PRDM5: variants seen among roughly 807,000 people sequenced by gnomAD.
PRDM5 encodes the protein PR/SET domain 5.
In PRDM5, 56 loss-of-function variants were observed where a neutral mutation model predicts 81.2. The ratio of observed to expected loss-of-function variants is 0.69; its 90% CI spans 0.56 to 0.86. The LOEUF is 0.86. PRDM5 is among the 40% of genes least tolerant of loss of function. The pLI is 0.00. For synonymous variants in PRDM5, 267 were observed against 256.4 expected (o/e 1.04, Z -0.39); for missense variants, 697 against 770.1 (o/e 0.91, Z 1.12).
At chr4:120,831,136 G>A (rs1390377571) in intron 3 of PRDM5, among the ~76,000 whole-genome samples, 1 of 152,056 alleles carries the variant, frequency 6.6e-6, no homozygotes, top group Non-Finnish European at 1.5e-5. Context: ...CCATGAAAGT[G>A]TTGAATCAGA....
intron 10 of PRDM5, among the ~76,000 whole-genome samples, chr4:120,788,256 T>A (rs115986068): frequency 0.018 from 2,752 of 152,278 alleles, 33 homozygotes; most frequent in Middle Eastern, 0.031. Flanking sequence ...AATTCTATAT[T>A]TATTTTCTTA....
chr4:120,817,030 T>G, intron 5 of PRDM5, 106 bp from the exon 6 acceptor site: 1 of 940,422 alleles, frequency 1.1e-6, no homozygotes. Context: ...CGTGATCCCT[T>G]TTTTCATTGT....
chr4:120,715,774 T>C (rs1236134977), intron 14 of PRDM5, among the ~76,000 whole-genome samples: 1 of 152,208 alleles, frequency 6.6e-6, no homozygotes, highest in Non-Finnish European at 1.5e-5. Flanking sequence ...CATGGCACCA[T>C]GGCAGCTGCC....
intron 8 of PRDM5, among the ~76,000 whole-genome samples, chr4:120,801,512 T>C (rs939210010): frequency 5.9e-5 from 9 of 152,208 alleles, no homozygotes; most frequent in African/African-American, 1.9e-4. Flanking sequence ...AATTCAGTTA[T>C]GTAAAGCAGG....
chr4:120,838,873 G>C, intron 3 of PRDM5: 1 of 251,126 alleles, frequency 4.0e-6, no homozygotes, highest in East Asian at 7.4e-5. Flanking sequence ...TGCCAAGGGA[G>C]ACTGCATGGA....
intron 2 of PRDM5, among the ~76,000 whole-genome samples, chr4:120,861,463 T>C (rs958414114): frequency 2.0e-5 from 3 of 152,176 alleles, no homozygotes; most frequent in Non-Finnish European, 4.4e-5. Flanking sequence ...AATGGCAATA[T>C]CCCAGATCCA....
chr4:120,869,996 GGAGGAAGTAGAGGAGA>G lies in PRDM5; in HGVS notation c.178-16472_178-16457del, dbSNP rs547563656. On this transcript the variant is annotated intron_variant, in intron 2 of 15. Coordinates refer to ENST00000264808, the MANE Select transcript of PRDM5 (RefSeq NM_018699.4). ...AAAAAAGAACAAAGAAAAAAAAAGA[GGAGGAAGTAGAGGAGA>G]GAGGAAGGAGGAAGAATAGGAGAGG... Among the ~76,000 whole-genome samples the G allele has an allele frequency of 3.7e-3, 566 of 152,154 alleles. 2 individuals are homozygous for G. The highest frequency in any genetic ancestry group is 0.013 in the African/African-American group (528 of 41,530).
At chr4:120,900,023 A>G (rs1765066277) in intron 2 of PRDM5, among the ~76,000 whole-genome samples, 1 of 152,338 alleles carries the variant, frequency 6.6e-6, no homozygotes. Flanking sequence ...TAGGTATAGA[A>G]GAGATAAATA....
chr4:120,859,592 A>T (rs1005788301), intron 2 of PRDM5, among the ~76,000 whole-genome samples: 2 of 152,206 alleles, frequency 1.3e-5, no homozygotes, highest in African/African-American at 2.4e-5. Flanking sequence ...GGATATCTTA[A>T]CACTATTATT....
chr4:120,839,250 A>T (rs1214291871), intron 3 of PRDM5: 2 of 703,030 alleles, frequency 2.8e-6, no homozygotes, highest in Non-Finnish European at 5.2e-6. Flanking sequence ...TAGCCTCGCC[A>T]TTCGGCGGGT....
chr4:120,820,958 C>T (rs998423763), intron 4 of PRDM5, among the ~76,000 whole-genome samples: 4 of 152,194 alleles, frequency 2.6e-5, no homozygotes, highest in African/African-American at 9.6e-5. Context: ...CCTAGGCAGT[C>T]CTATAGGGTA....
intron 2 of PRDM5, chr4:120,895,764 C>T (rs1764546836): frequency 6.6e-6 from 1 of 152,182 alleles, no homozygotes; most frequent in African/African-American, 2.4e-5. Context: ...GACACCTCAA[C>T]CTCCTTGACT....
chr4:120,917,716 G>A (rs916727040), intron 1 of PRDM5, among the ~76,000 whole-genome samples: 7 of 150,178 alleles, frequency 4.7e-5, no homozygotes, highest in African/African-American at 1.7e-4. Flanking sequence ...GTAGATACAG[G>A]AATTTCCACA....
Position 120,709,704 on chromosome 4 carries a change from T to C in PRDM5, c.1728+605A>G, listed in dbSNP as rs1049357277. Among the ~76,000 whole-genome samples, 3 of 111,540 alleles carry C rather than the reference T, an allele frequency of 2.7e-5. No homozygotes were observed. In the Admixed American group the frequency reaches 3.3e-4, roughly 12 times the overall value. 73.2% of individuals were successfully genotyped at this position (111,540 alleles called of 152,430 possible). A position where few individuals can be genotyped will look rare whatever the true frequency, so the allele number is the denominator to read the frequency against. On this transcript the variant is annotated intron_variant, in intron 15 of 15. Coordinates refer to ENST00000264808, the MANE Select transcript of PRDM5 (RefSeq NM_018699.4). ...CTGCCAATCCCGCACAAAAGAACAG[T>C]GGTTTTTTTTCCCCTAAATTGATCA...
At chr4:120,917,600 T>C (rs879297306) in intron 1 of PRDM5, among the ~76,000 whole-genome samples, 3 of 151,632 alleles carry the variant, frequency 2.0e-5, no homozygotes, top group East Asian at 1.9e-4. Flanking sequence ...GTGATAAAGA[T>C]TGTTAAATGA....
intron 14 of PRDM5, among the ~76,000 whole-genome samples, chr4:120,734,059 T>C (rs942433310): frequency 6.6e-6 from 1 of 152,142 alleles, no homozygotes; most frequent in South Asian, 2.1e-4. Context: ...TAGGCAAGCA[T>C]GGTCATCCTT....
At chr4:120,684,699 T>C (rs557274750), downstream of PRDM5, among the ~76,000 whole-genome samples, 93 of 152,158 alleles carry the variant, frequency 6.1e-4, no homozygotes, top group African/African-American at 2.1e-3. Context: ...CCTTTAATTT[T>C]ATAATATTTC....
chr4:120,829,963 T>C (rs1268331691), intron 3 of PRDM5, among the ~76,000 whole-genome samples: 2 of 152,118 alleles, frequency 1.3e-5, no homozygotes, highest in Admixed American at 6.5e-5. Flanking sequence ...AAAGATTTCA[T>C]ATTTAATATC....
chr4:120,859,893 C>T (rs1760369345), intron 2 of PRDM5, among the ~76,000 whole-genome samples: 3 of 152,094 alleles, frequency 2.0e-5, no homozygotes, highest in Middle Eastern at 3.2e-3. Flanking sequence ...CATTACTGTC[C>T]GGGTTATCCT....
Sources: allele counts gnomAD v4.1 joint callset (sites outside exome capture counted in the v4.1 genomes callset), GRCh38; gene constraint gnomAD v4.1.1; transcripts MANE v1.5; gene names NCBI Gene and HGNC (gene_info 2026-07-23, HGNC 2026-07-21).